The following KMT2C variants were observed in gnomAD, a reference collection of about 807,000 sequenced individuals.
KMT2C encodes the protein histone-lysine N-methyltransferase 2C.
Under a neutral mutation model 507.9 loss-of-function variants are expected in KMT2C, and 88 were observed. The observed-to-expected ratio is 0.17, with a 90% CI of 0.15 to 0.21. KMT2C has a LOEUF of 0.21. Ranked by LOEUF, KMT2C falls within the 10% of genes least tolerant of loss-of-function variation. KMT2C has a pLI of 1.00. For synonymous variants in KMT2C, 2,049 were observed against 2,080.8 expected (o/e 0.98, Z 0.42); for missense variants, 4,954 against 5,957.8 (o/e 0.83, Z 5.55).
intron 8 of KMT2C, 118 bp from the exon 9 acceptor site, chr7:152,263,248 G>T: frequency 2.5e-6 from 2 of 785,830 alleles, no homozygotes; most frequent in Non-Finnish European, 4.0e-6. Flanking sequence ...CTCAGTATCT[G>T]TTTTGTCTCT....
chr7:152,223,331 T>A (rs1197479772), intron 20 of KMT2C, among the ~76,000 whole-genome samples: 2 of 152,062 alleles, frequency 1.3e-5, no homozygotes, highest in Non-Finnish European at 2.9e-5. Flanking sequence ...ATATCTAGTA[T>A]CTAGAGCTTT....
At chr7:152,397,889 ACTT>A (rs1365490433) in intron 1 of KMT2C, among the ~76,000 whole-genome samples, 1 of 152,146 alleles carries the variant, frequency 6.6e-6, no homozygotes, top group Non-Finnish European at 1.5e-5. Context: ...AGTCTATTAA[ACTT>A]CTTTTTCTTT....
chr7:152,368,935 A>G (rs2097269853), intron 1 of KMT2C, among the ~76,000 whole-genome samples: 2 of 152,106 alleles, frequency 1.3e-5, no homozygotes, highest in African/African-American at 4.8e-5. Context: ...AGTTTAATAC[A>G]GGAGAACATT....
Position 152,207,297 on chromosome 7 carries a change from T to A in KMT2C, c.3841+3A>T, listed in dbSNP as rs2129138464. 6.4e-7 allele frequency: 1 copy of A among 1,562,200 alleles called. No individual in the cohort carries two copies. The highest frequency in any genetic ancestry group is 8.7e-7 in the Non-Finnish European group (1 of 1,155,358). On this transcript the variant is annotated splice_donor_region_variant and intron_variant, in intron 24 of 58. Coordinates refer to ENST00000262189, the MANE Select transcript of KMT2C (RefSeq NM_170606.3). ...ATTGAAATGTCTACCTCAGGCACTA[T>A]ACCTGGTCTGTATGGTTTCCTTTTT...
chr7:152,140,108 C>T (rs933811508), intron 55 of KMT2C, among the ~76,000 whole-genome samples: 1 of 152,146 alleles, frequency 6.6e-6, no homozygotes, highest in African/African-American at 2.4e-5. Flanking sequence ...GCTGAGTTCC[C>T]ACCAACTAAA....
chr7:152,156,102 T>C (rs978937207), intron 45 of KMT2C, 45 bp from the exon 46 acceptor site: 11 of 1,598,686 alleles, frequency 6.9e-6, no homozygotes, highest in Admixed American at 5.3e-5. Flanking sequence ...TCAGTCAATA[T>C]TGATAAATGG....
Position 152,177,315 on chromosome 7 carries a change from T to C in KMT2C, c.8138A>G (p.Asp2713Gly), listed in dbSNP as rs1017458160. The C allele has an allele frequency of 6.2e-7, 1 of 1,614,166 alleles. No homozygotes were observed. The highest frequency in any genetic ancestry group is 1.6e-4 in the Middle Eastern group (1 of 6,062). Reference protein sequence around the residue: ...DLEGVEVKDLDDEDLENLNLD... With the variant: ...DLEGVEVKDLGDEDLENLNLD... ...ATTTAAGTTTTCAAGATCTTCATCA[T>C]CTAAGTCTTTGACTTCAACCCCCTC... is the stretch of plus-strand genomic sequence containing the variant. Residue 2713 changes from aspartate to glycine, a missense_variant, in exon 38 of 59, where the codon GAT becomes GGT. Coordinates refer to ENST00000262189, the MANE Select transcript of KMT2C (RefSeq NM_170606.3).
At chr7:152,361,363 A>G (rs1223758397) in intron 1 of KMT2C, among the ~76,000 whole-genome samples, 11 of 152,148 alleles carry the variant, frequency 7.2e-5, no homozygotes, top group Admixed American at 1.3e-4. Context: ...GATCGAGACC[A>G]TCCTGGCTAA....
chr7:152,155,530 T>C (rs114229471), intron 46 of KMT2C, among the ~76,000 whole-genome samples: 1,554 of 152,318 alleles, frequency 0.01, 34 homozygotes, highest in African/African-American at 0.035. Flanking sequence ...TCTTTCATTT[T>C]AGACATCTAC....
chr7:152,168,856 T>C (rs971214089), intron 41 of KMT2C, among the ~76,000 whole-genome samples: 2 of 152,210 alleles, frequency 1.3e-5, no homozygotes, highest in African/African-American at 4.8e-5. Context: ...AGGAAGACAG[T>C]TCTTAGAGCA....
At chr7:152,250,166 C>CT (rs1260495217) in intron 12 of KMT2C, among the ~76,000 whole-genome samples, 3 of 152,118 alleles carry the variant, frequency 2.0e-5, no homozygotes, top group Non-Finnish European at 4.4e-5. Flanking sequence ...TTCTCTTTTT[C>CT]TTTAACAACT....
chr7:152,310,420 C>T (rs935395797), intron 5 of KMT2C, among the ~76,000 whole-genome samples: 2 of 152,074 alleles, frequency 1.3e-5, no homozygotes, highest in African/African-American at 4.8e-5. Flanking sequence ...TACAAATTAG[C>T]TGGGCGTGGT....
intron 5 of KMT2C, among the ~76,000 whole-genome samples, chr7:152,310,891 GC>G (rs1021155585): frequency 1.3e-5 from 2 of 151,776 alleles, no homozygotes; most frequent in Non-Finnish European, 2.9e-5. Flanking sequence ...TCACCATGTT[GC>G]CCAGTCTGGT....
At chr7:152,223,763 G>C (rs1303394590) in intron 20 of KMT2C, among the ~76,000 whole-genome samples, 1 of 152,050 alleles carries the variant, frequency 6.6e-6, no homozygotes, top group African/African-American at 2.4e-5. Flanking sequence ...TAGCGCCACT[G>C]CACTCCAGCC....
Position 152,435,866 on chromosome 7 carries a change from T to C in KMT2C, c.-80A>G, listed in dbSNP as rs1341083761. ...CCGCCGCGGCCGCCGCCGCCGCCGC[T>C]GCTGCTCGGGTTCCTCCTCCCCGGC... On this transcript the variant is annotated 5_prime_UTR_variant, in exon 1 of 59. Transcript: ENST00000262189. The C allele has an allele frequency of 3.9e-5, 53 of 1,375,966 alleles. No homozygotes were observed. Among genetic ancestry groups the C allele is most frequent in the African/African-American group, 1.4e-4 (9 of 64,622 alleles). 85.2% of individuals were successfully genotyped at this position (1,375,966 alleles called of 1,614,324 possible). A position where few individuals can be genotyped will look rare whatever the true frequency, so the allele number is the denominator to read the frequency against.
intron 31 of KMT2C, among the ~76,000 whole-genome samples, chr7:152,188,820 A>G (rs927314105): frequency 6.6e-6 from 1 of 151,812 alleles, no homozygotes; most frequent in African/African-American, 2.4e-5. Context: ...ATTTTGGCCA[A>G]GCTGATCTCA....
rs776671985 is a variant in KMT2C, at chr7:152,148,254, A to G, written c.13673T>C (p.Ile4558Thr). Residue 4558 changes from isoleucine to threonine, a missense_variant, in exon 52 of 59, where the codon ATT becomes ACT. Ile to Thr is a moderately conservative substitution (Grantham distance 89, BLOSUM62 -1). Around this residue, in one of 29 missense-constraint regions of KMT2C, gnomAD observed 221 missense variants for 304.7 expected, o/e 0.73. Transcript: ENST00000262189. The surrounding 1 kb of genome is among the most constrained non-coding windows in gnomAD (Gnocchi z 7.1). ...CATCTGCTGTGGAAGCAGCTGACCA[A>G]TTGTGTGGAAGATGAGGCTACCCAC... ...FRVGSLIFHT[I>T]GQLLPQQMQA... 7 of 1,614,100 alleles carry G rather than the reference A, an allele frequency of 4.3e-6. No homozygotes were observed. Among genetic ancestry groups the G allele is most frequent in the Admixed American group, 1.7e-5 (1 of 60,002 alleles).
At chr7:152,259,414 G>A (rs1049598849) in intron 9 of KMT2C, among the ~76,000 whole-genome samples, 2 of 148,602 alleles carry the variant, frequency 1.3e-5, no homozygotes, top group African/African-American at 5.0e-5. Flanking sequence ...GGGTTAGGGG[G>A]AATAGAGACA....
rs191429671 is a variant in KMT2C, at chr7:152,213,763, A to C, written c.3713-6335T>G. Among the ~76,000 whole-genome samples, 726 of 152,128 alleles carry C rather than the reference A, an allele frequency of 4.8e-3. 6 individuals are homozygous for C. The highest frequency in any genetic ancestry group is 0.01 in the Middle Eastern group (3 of 294). ...TCTGCATAGCAATAAAAAAAAAAAA[A>C]AAACACCGGGGTGAAAAGGTAGCAC... On this transcript the variant is annotated intron_variant, in intron 23 of 58. Coordinates refer to ENST00000262189, the MANE Select transcript of KMT2C (RefSeq NM_170606.3).
Sources: gnomAD v4.1 joint callset for allele counts (sites outside exome capture counted in the v4.1 genomes callset) on GRCh38, gnomAD v4.1.1 for gene constraint, gnomAD v4.1.1 regional missense constraint, Gnocchi (gnomAD v3.1) non-coding constraint, MANE v1.5 for transcripts, NCBI Gene and HGNC (gene_info 2026-07-23, HGNC 2026-07-21) for gene names.